Variants in NHLRC2 observed in about 807,000 individuals in gnomAD.
NHLRC2 encodes NHL repeat containing 2, also known as NHL repeat-containing protein 2.
NHLRC2 carries 33 observed loss-of-function variants against 68.1 expected under a neutral mutation model. The observed-to-expected ratio is 0.48, with a 90% CI of 0.37 to 0.65. NHLRC2 has a LOEUF of 0.65. NHLRC2 is among the 30% of genes least tolerant of loss of function. The probability of loss-of-function intolerance (pLI) is 0.00; values close to 1 mark genes in which losing one functional copy is unlikely to be tolerated. For synonymous variants in NHLRC2, 311 were observed against 309.6 expected (o/e 1.00, Z -0.05); for missense variants, 761 against 853.8 (o/e 0.89, Z 1.35).
rs1206913990 is a variant in NHLRC2 at position 113,913,344 on chromosome 10, TTAAA to T, written c.*4814_*4817del. The T allele has an allele frequency of 6.6e-6, 1 of 152,222 alleles. No individual in the cohort carries two copies. Among genetic ancestry groups the T allele is most frequent in the Non-Finnish European group, 1.5e-5 (1 of 68,042 alleles). The allele number at this position is 152,222 out of a possible 1,614,324, so 9.4% of individuals were successfully genotyped here. Reference sequence around the variant, plus strand: ...TACTAGCAATGATTGTTTCTGCAATTTAAATAAATCCATTTAATTATACAACTTT... The same window carrying T: ...TACTAGCAATGATTGTTTCTGCAATTTAAATCCATTTAATTATACAACTTT... On this transcript the variant is annotated 3_prime_UTR_variant, in exon 11 of 11. Coordinates refer to ENST00000369301, the MANE Select transcript of NHLRC2 (RefSeq NM_198514.4).
intron 5 of NHLRC2, 23 bp from the exon 6 acceptor site, chr10:113,898,087 A>G: frequency 7.0e-7 from 1 of 1,421,308 alleles, no homozygotes; most frequent in Non-Finnish European, 9.8e-7. Flanking sequence ...TGTATATAAT[A>G]ATAATGATTT....
At position 113,858,677 on chromosome 10, in the gene NHLRC2, A is replaced by G; in HGVS notation, c.328A>G (p.Lys110Glu). The G allele has an allele frequency of 6.2e-7, 1 of 1,608,144 alleles. No individual in the cohort carries two copies. Among genetic ancestry groups the G allele is most frequent in the Non-Finnish European group, 8.5e-7 (1 of 1,175,268 alleles). ...TGCATTAGAACACACATACTCTGAT[A>G]AAGGTATCTGCTCTTTAATTAGTTT... ...LHALEHTYSD[K>E]DGLLIIGVHS... The change falls in exon 2 of 11, where the codon AAA becomes GAA. Residue 110 changes from lysine (K) to glutamate (E), a missense_variant. Lys to Glu is a moderately conservative substitution (Grantham distance 56). Transcript: ENST00000369301.
chr10:113,893,864 A>G (rs763315003), intron 5 of NHLRC2, among the ~76,000 whole-genome samples: 3 of 152,186 alleles, frequency 2.0e-5, no homozygotes, highest in African/African-American at 4.8e-5. Context: ...AAGAAAAGCA[A>G]ATGTTTTTGT....
rs1341642023 is a variant in NHLRC2, at chr10:113,902,444, TTTCTTTTCTTTTAAAAAAAATTAAA to T, written c.1372-26_1372-2del. Reference sequence around the variant, plus strand: ...ACTGTAAAAATTATAATAACTGCTGTTTCTTTTCTTTTAAAAAAAATTAAAGAATTTATTTGCTTTTGGTGATGTT... The same window carrying T: ...ACTGTAAAAATTATAATAACTGCTGTGAATTTATTTGCTTTTGGTGATGTT... On this transcript the variant is annotated splice_acceptor_variant and splice_polypyrimidine_tract_variant and intron_variant, in intron 7 of 10. Coordinates refer to ENST00000369301, the MANE Select transcript of NHLRC2 (RefSeq NM_198514.4). LOFTEE classifies it high-confidence loss of function. 1 of 1,458,936 alleles carries T rather than the reference TTTCTTTTCTTTTAAAAAAAATTAAA, an allele frequency of 6.9e-7. No homozygotes were observed. Among genetic ancestry groups the T allele is most frequent in the African/African-American group, 1.4e-5 (1 of 69,910 alleles). 90.4% of individuals were successfully genotyped at this position (1,458,936 alleles called of 1,614,324 possible).
intron 5 of NHLRC2, among the ~76,000 whole-genome samples, chr10:113,894,835 G>C (rs182630725): frequency 6.6e-6 from 1 of 152,166 alleles, no homozygotes; most frequent in African/African-American, 2.4e-5. Context: ...GGAGTTCTCA[G>C]CCCTATCAGA....
intron 5 of NHLRC2, among the ~76,000 whole-genome samples, chr10:113,895,958 A>T (rs1211857278): frequency 6.6e-6 from 1 of 152,216 alleles, no homozygotes; most frequent in African/African-American, 2.4e-5. Context: ...TTGAACCTCC[A>T]CAATGAGATA....
intron 1 of NHLRC2, among the ~76,000 whole-genome samples, chr10:113,857,162 A>G (rs901163093): frequency 8.5e-5 from 13 of 152,172 alleles, no homozygotes; most frequent in African/African-American, 3.1e-4. Flanking sequence ...TGTAAAATAA[A>G]TTTTATTAAG....
At position 113,859,326 on chromosome 10, in the gene NHLRC2, A is replaced by C. The variant is rs563510873; in HGVS notation, c.331+646A>C. On this transcript the variant is annotated intron_variant, in intron 2 of 10. Transcript: ENST00000369301. ...CTACTTTCTAAAAAAAGAACATGGGAGTAAATGAAATTAATTAAAAGTATC... is the reference window on the plus strand; with the variant it reads ...CTACTTTCTAAAAAAAGAACATGGGCGTAAATGAAATTAATTAAAAGTATC... Among the ~76,000 whole-genome samples the C allele has an allele frequency of 4.6e-5, 7 of 152,294 alleles. No individual in the cohort carries two copies. In the East Asian group the frequency reaches 1.3e-3, roughly 29 times the overall value.
intron 2 of NHLRC2, among the ~76,000 whole-genome samples, chr10:113,867,292 C>G (rs2134695399): frequency 6.6e-6 from 1 of 152,202 alleles, no homozygotes; most frequent in Non-Finnish European, 1.5e-5. Flanking sequence ...TCTGCACACA[C>G]TTTATATTTT....
chr10:113,867,524 A>G (rs901856696), intron 2 of NHLRC2, among the ~76,000 whole-genome samples: 1 of 152,178 alleles, frequency 6.6e-6, no homozygotes, highest in Non-Finnish European at 1.5e-5. Flanking sequence ...TAAAAACGAA[A>G]ATTTTCCCTC....
chr10:113,894,176 A>G (rs557387462), intron 5 of NHLRC2, among the ~76,000 whole-genome samples: 2 of 152,310 alleles, frequency 1.3e-5, no homozygotes, highest in South Asian at 4.1e-4. Context: ...TGACCTGAGA[A>G]GCTAAAAGGA....
At chr10:113,884,225 T>C in intron 4 of NHLRC2, 26 bp from the exon 5 acceptor site, 1 of 1,598,132 alleles carries the variant, frequency 6.3e-7, no homozygotes, top group Non-Finnish European at 8.5e-7. Context: ...ATTCATTGCA[T>C]AAAACCATCC....
intron 2 of NHLRC2, among the ~76,000 whole-genome samples, chr10:113,861,366 A>C (rs1217118218): frequency 6.6e-6 from 1 of 152,220 alleles, no homozygotes; most frequent in African/African-American, 2.4e-5. Flanking sequence ...ATGCCAAGAC[A>C]CATTATTATC....
chr10:113,867,998 GGTTA>G (rs1306150050), intron 2 of NHLRC2, among the ~76,000 whole-genome samples: 10 of 151,844 alleles, frequency 6.6e-5, no homozygotes, highest in Admixed American at 5.2e-4. Context: ...GTTTTTTGTT[GGTTA>G]GTCAGAGACA....
At chr10:113,855,221 C>A (rs1222994035) in intron 1 of NHLRC2, among the ~76,000 whole-genome samples, 171 bp downstream of exon 1, 1 of 152,202 alleles carries the variant, frequency 6.6e-6, no homozygotes, top group African/African-American at 2.4e-5. Flanking sequence ...CCCAGGGGTC[C>A]CCAAGCGGCC....
At chr10:113,878,988 A>G (rs1191335619) in intron 3 of NHLRC2, among the ~76,000 whole-genome samples, 1 of 152,152 alleles carries the variant, frequency 6.6e-6, no homozygotes, top group African/African-American at 2.4e-5. Flanking sequence ...TATATTCTCC[A>G]CCCTTGAAAC....
At position 113,876,637 on chromosome 10, in the gene NHLRC2, G is replaced by A; in HGVS notation, c.448G>A (p.Asp150Asn). 2.5e-6 allele frequency: 4 copies of A among 1,613,882 alleles called. No homozygotes were observed. The highest frequency in any genetic ancestry group is 3.4e-6 in the Non-Finnish European group (4 of 1,179,830). Residue 150 changes from aspartate (D) to asparagine (N), a missense_variant, in exon 3 of 11, where the codon GAT becomes AAT. By Grantham distance (23) the Asp-to-Asn change is conservative. Coordinates refer to ENST00000369301, the MANE Select transcript of NHLRC2 (RefSeq NM_198514.4). Reference protein sequence around the residue: ...NITHPMVNDADASLWQELEVS... With the variant: ...NITHPMVNDANASLWQELEVS... The stretch of plus-strand genomic sequence containing the variant: ...CACCCACCCTATGGTTAATGATGCA[G>A]ATGCCAGCCTTTGGCAAGAACTAGA...
chr10:113,907,638 G>T (rs1846288973), intron 10 of NHLRC2, among the ~76,000 whole-genome samples: 1 of 152,086 alleles, frequency 6.6e-6, no homozygotes, highest in African/African-American at 2.4e-5. Context: ...TAGATAGTCT[G>T]TTTATTTCTA....
Position 113,908,476 on chromosome 10 carries a change from A to G in NHLRC2, c.2121A>G (p.Leu707=), listed in dbSNP as rs369737814. ...MMKAILFSQP[L]QITDTQQGCI... is the part of the protein sequence containing the mutation. ...AGGCAATTTTGTTCAGTCAGCCTTTACAAATAACGGATACACAGCAAGGTT... is the reference window on the plus strand; with the variant it reads ...AGGCAATTTTGTTCAGTCAGCCTTTGCAAATAACGGATACACAGCAAGGTT... Residue 707 remains leucine, a synonymous_variant, in exon 11 of 11, where the codon TTA becomes TTG. Coordinates refer to ENST00000369301, the MANE Select transcript of NHLRC2 (RefSeq NM_198514.4). The G allele has an allele frequency of 3.7e-6, 6 of 1,614,092 alleles. No individual in the cohort carries two copies. The highest frequency in any genetic ancestry group is 1.6e-4 in the Middle Eastern group (1 of 6,062).
Sources: gnomAD v4.1 joint callset for allele counts (sites outside exome capture counted in the v4.1 genomes callset) on GRCh38, gnomAD v4.1.1 for gene constraint, MANE v1.5 for transcripts, NCBI Gene and HGNC (gene_info 2026-07-23, HGNC 2026-07-21) for gene names.